CFAP47: variants seen among roughly 807,000 people sequenced by gnomAD.
The protein encoded by CFAP47 is cilia- and flagella-associated protein 47.
A neutral mutation model predicts 148.1 loss-of-function variants in CFAP47; 29 were observed. That is an observed-to-expected ratio of 0.20 (90% CI 0.15 to 0.27). CFAP47 has a LOEUF of 0.27. Among genes scored for constraint, CFAP47 ranks in the 10% least tolerant of loss-of-function variants. CFAP47 has a pLI of 1.00. For synonymous variants in CFAP47, 664 were observed against 577.3 expected (o/e 1.15, Z -2.15); for missense variants, 1,872 against 1,697.5 (o/e 1.10, Z -1.81).
chrX:36,379,560 C>G lies in CFAP47; in HGVS notation c.9354+42C>G, dbSNP rs3813158. ...CAATAGCCAAGGATGTTTGATGCAACTAAAGACACTAAATAAACTAGCAAG... is the reference window on the plus strand; with the variant it reads ...CAATAGCCAAGGATGTTTGATGCAAGTAAAGACACTAAATAAACTAGCAAG... On this transcript the variant is annotated intron_variant, in intron 63 of 63. Coordinates refer to ENST00000378653, the MANE Select transcript of CFAP47 (RefSeq NM_001304548.2). 2,434 of 958,571 alleles carry G rather than the reference C, an allele frequency of 2.5e-3. 23 individuals carry two copies. Among genetic ancestry groups the G allele is most frequent in the East Asian group, 0.023 (668 of 29,559 alleles). The allele number at this position is 958,571 out of a possible 1,213,427, so 79.0% of individuals were successfully genotyped here.
At chrX:36,139,085 T>G (rs1222066055) in intron 35 of CFAP47, among the ~76,000 whole-genome samples, 1 of 111,737 alleles carries the variant, frequency 8.9e-6, no homozygotes. Flanking sequence ...ATCAAGATAT[T>G]TGCCTGTTAA....
intron 48 of CFAP47, among the ~76,000 whole-genome samples, chrX:36,248,153 TATC>T (rs1191890599): frequency 9.4e-6 from 1 of 106,728 alleles, no homozygotes; most frequent in Non-Finnish European, 1.9e-5. Context: ...ATTATACACA[TATC>T]ATATATGTAT....
Position 35,956,143 on chromosome X carries a change from G to A in CFAP47, c.1357G>A (p.Ala453Thr), listed in dbSNP as rs748110121. 1 of 1,211,223 alleles carries A rather than the reference G, an allele frequency of 8.3e-7. No individual in the cohort carries two copies. The highest frequency in any genetic ancestry group is 1.1e-6 in the Non-Finnish European group (1 of 895,183). Residue 453 changes from alanine (A) to threonine (T), a missense_variant, in exon 8 of 64, where the codon GCA becomes ACA. By Grantham distance (58) the Ala-to-Thr change is moderately conservative. Transcript: ENST00000378653. ...TGTGACGTACCACTTTAAAAAAACT[G>A]CAAATTTTGAAATTGATCCTGAAAA... is the stretch of plus-strand genomic sequence containing the variant. The part of the protein sequence containing the change: ...LPVTYHFKKT[A>T]NFEIDPEKGK...
chrX:36,264,573 TCTC>T (rs1940868211), intron 49 of CFAP47, among the ~76,000 whole-genome samples: 1 of 111,563 alleles, frequency 9.0e-6, no homozygotes. Flanking sequence ...TTGCTATGCT[TCTC>T]CTCCTCCAGC....
At chrX:35,974,963 C>T (rs1018578414) in intron 13 of CFAP47, among the ~76,000 whole-genome samples, 184 bp from the exon 14 acceptor site, 1 of 111,045 alleles carries the variant, frequency 9.0e-6, no homozygotes, top group South Asian at 3.7e-4. Context: ...AATGTCCAAA[C>T]ATTTAATCAT....
chrX:36,030,009 A>G (rs1937263060), intron 22 of CFAP47, among the ~76,000 whole-genome samples: 1 of 110,390 alleles, frequency 9.1e-6, no homozygotes, highest in Non-Finnish European at 1.9e-5. Flanking sequence ...CACTACTTTT[A>G]CTGAATTATT....
chrX:35,929,128 C>A (rs1055458166), intron 2 of CFAP47, among the ~76,000 whole-genome samples: 1 of 110,950 alleles, frequency 9.0e-6, no homozygotes, highest in African/African-American at 3.3e-5. Flanking sequence ...GTTTAGTTAT[C>A]AAAATATCTC....
Position 36,280,132 on chromosome X carries a change from G to A in CFAP47, c.7445-355G>A, listed in dbSNP as rs370374876. On this transcript the variant is annotated intron_variant, in intron 49 of 63. Transcript: ENST00000378653. The stretch of plus-strand genomic sequence containing the variant: ...TATTATTTTAATGGGGTAATAAATA[G>A]AGCATTAAAATGACTTAGGAAGAAA... Among the ~76,000 whole-genome samples the A allele has an allele frequency of 6.0e-4, 67 of 110,990 alleles. 1 individual carries two copies. Among genetic ancestry groups the A allele is most frequent in the East Asian group, 2.0e-3 (7 of 3,576 alleles).
chrX:36,348,994 C>T (rs782470273), intron 58 of CFAP47, among the ~76,000 whole-genome samples: 7 of 111,421 alleles, frequency 6.3e-5, no homozygotes, highest in Non-Finnish European at 1.1e-4. Context: ...TTCTACCATG[C>T]ATTTTCACCA....
chrX:36,194,560 A>C (rs1460201812), intron 42 of CFAP47, among the ~76,000 whole-genome samples: 1 of 112,105 alleles, frequency 8.9e-6, no homozygotes, highest in East Asian at 2.8e-4. Context: ...TAATTGGCTC[A>C]TGGTTCTGCG....
intron 26 of CFAP47, among the ~76,000 whole-genome samples, chrX:36,051,348 G>T (rs1449259814): frequency 8.9e-6 from 1 of 112,010 alleles, no homozygotes; most frequent in Non-Finnish European, 1.9e-5. Flanking sequence ...CAGCCAGAAG[G>T]GGGGCTGTAA....
Position 36,350,090 on chromosome X carries a change from A to G in CFAP47, c.8656A>G (p.Ile2886Val), listed in dbSNP as rs16998547. 4,111 of 1,159,397 alleles carry G rather than the reference A, an allele frequency of 3.5e-3. 91 individuals carry two copies. The African/African-American group carries it at 0.065, about 18-fold the overall frequency. The change falls in exon 59 of 64, where the codon ATT becomes GTT. Residue 2886 changes from isoleucine to valine, a missense_variant. Ile to Val is a conservative substitution (Grantham distance 29, BLOSUM62 3). Coordinates refer to ENST00000378653, the MANE Select transcript of CFAP47 (RefSeq NM_001304548.2). ...CCAAGCAATACACTGGATATACCCT[A>G]TTGTTGGACTCCCACAAGCACCACC... Reference protein sequence around the residue: ...EIQAIHWIYPIVGLPQAPPPK... With the variant: ...EIQAIHWIYPVVGLPQAPPPK...
At chrX:35,952,307 C>T (rs1429574396) in intron 6 of CFAP47, among the ~76,000 whole-genome samples, 1 of 111,417 alleles carries the variant, frequency 9.0e-6, no homozygotes, top group Admixed American at 9.6e-5. Context: ...TGCAGCATGT[C>T]GTAGGTCCCT....
At chrX:36,250,637 GTA>G (rs781823384) in intron 48 of CFAP47, among the ~76,000 whole-genome samples, 34 of 105,687 alleles carry the variant, frequency 3.2e-4, no homozygotes, top group African/African-American at 6.1e-4. Context: ...ATTTCACAAT[GTA>G]TATATATATA....
chrX:36,246,967 A>T (rs1940623221), intron 48 of CFAP47, among the ~76,000 whole-genome samples: 1 of 111,400 alleles, frequency 9.0e-6, no homozygotes, highest in African/African-American at 3.3e-5. Flanking sequence ...AAAAAGACAC[A>T]TGAACTCATA....
chrX:35,982,299 G>A (rs1936656735), intron 15 of CFAP47, among the ~76,000 whole-genome samples: 1 of 111,656 alleles, frequency 9.0e-6, no homozygotes, highest in African/African-American at 3.3e-5. Context: ...CTTGTTGGCT[G>A]CATGAATGTC....
chrX:36,041,925 CAA>C (rs61099689), intron 25 of CFAP47, among the ~76,000 whole-genome samples: 4 of 30,575 alleles, frequency 1.3e-4, no homozygotes, highest in South Asian at 2.0e-3. Context: ...GACTCCATCT[CAA>C]AAAAAAAAAA....
intron 40 of CFAP47, among the ~76,000 whole-genome samples, chrX:36,181,030 C>A (rs1939743998): frequency 8.9e-6 from 1 of 111,946 alleles, no homozygotes; most frequent in Admixed American, 9.5e-5. Context: ...TAAGTGGCTG[C>A]TTTGTGATTG....
chrX:36,289,367 A>G (rs1556005222), intron 51 of CFAP47, among the ~76,000 whole-genome samples: 1 of 111,296 alleles, frequency 9.0e-6, no homozygotes, highest in East Asian at 2.8e-4. Context: ...AGTGTTGTCC[A>G]TGACATTGAA....
Sources: gnomAD v4.1 joint callset for allele counts (sites outside exome capture counted in the v4.1 genomes callset) on GRCh38, gnomAD v4.1.1 for gene constraint, MANE v1.5 for transcripts, NCBI Gene and HGNC (gene_info 2026-07-23, HGNC 2026-07-21) for gene names.